The following DCUN1D5 variants were observed in gnomAD, a reference collection of about 807,000 sequenced individuals.
DCUN1D5 encodes defective in cullin neddylation 1 domain containing 5, also known as DCN1-like protein 5.
Under a neutral mutation model 38.3 loss-of-function variants are expected in DCUN1D5, and 10 were observed. The observed-to-expected ratio is 0.26, with a 90% CI of 0.16 to 0.44. The LOEUF is 0.44. DCUN1D5 is among the 20% of genes least tolerant of loss of function. The pLI, the probability that DCUN1D5 is intolerant of heterozygous loss-of-function variation, is 1.00. For missense variants in DCUN1D5, 148 were observed against 275.3 expected (o/e 0.54, Z 3.27); for synonymous variants, 93 against 90.9 (o/e 1.02, Z -0.13).
rs756300290 is a variant in DCUN1D5 at position 103,055,192 on chromosome 11, G to T, written c.*7167C>A. ...ATTTTGACTGTGACCCATCATATGA[G>T]GTCAGGTGTGGAATTTTCCACTTGT... On this transcript the variant is annotated 3_prime_UTR_variant, in exon 8 of 8. Coordinates refer to ENST00000260247, the MANE Select transcript of DCUN1D5 (RefSeq NM_032299.4). 2 of 152,036 alleles carry T rather than the reference G, an allele frequency of 1.3e-5. No individual in the cohort carries two copies. The highest frequency in any genetic ancestry group is 2.9e-5 in the Non-Finnish European group (2 of 68,004). 9.4% of individuals were successfully genotyped at this position (152,036 alleles called of 1,614,324 possible).
In DCUN1D5 at chr11:103,053,985, C is replaced by A. The variant is rs867002765; in HGVS notation, c.*8374G>T. On this transcript the variant is annotated 3_prime_UTR_variant, in exon 8 of 8. Coordinates refer to ENST00000260247, the MANE Select transcript of DCUN1D5 (RefSeq NM_032299.4). This position sits in a 1 kb window ranked among gnomAD's most constrained non-coding sequence, Gnocchi z 4.8. The stretch of plus-strand genomic sequence containing the variant: ...ACAGACAAGGAAATGAAAGAACTAG[C>A]ACACAGAAATAGGTACCCTAAAAGG... 2.0e-4 allele frequency: 30 copies of A among 152,102 alleles called. No individual in the cohort carries two copies. Among genetic ancestry groups the A allele is most frequent in the African/African-American group, 6.3e-4 (26 of 41,428 alleles). The allele number at this position is 152,102 out of a possible 1,614,324, so 9.4% of individuals were successfully genotyped here.
intron 4 of DCUN1D5, among the ~76,000 whole-genome samples, chr11:103,080,868 C>T (rs1591222433): frequency 6.6e-6 from 1 of 151,932 alleles, no homozygotes; most frequent in Admixed American, 6.6e-5. Context: ...CAAAATTAGC[C>T]GGGCGTGGAG....
In DCUN1D5 at chr11:103,086,105, T is replaced by C. The variant is rs1454882003; in HGVS notation, c.179-2779A>G. On this transcript the variant is annotated intron_variant, in intron 2 of 7. Coordinates refer to ENST00000260247, the MANE Select transcript of DCUN1D5 (RefSeq NM_032299.4). The surrounding 1 kb of genome is among the most constrained non-coding windows in gnomAD (Gnocchi z 4.1). ...AAAACACCATCAATTTCCTGATTTC[T>C]TTATAACCATAAAGGAATGTTCCTA... is the stretch of plus-strand genomic sequence containing the variant. Among the ~76,000 whole-genome samples the C allele has an allele frequency of 1.3e-5, 2 of 152,198 alleles. No homozygotes were observed. Among genetic ancestry groups the C allele is most frequent in the African/African-American group, 4.8e-5 (2 of 41,444 alleles).
Position 103,073,418 on chromosome 11 carries a change from TG to T in DCUN1D5, c.342-6852del, listed in dbSNP as rs1565288457. Among the ~76,000 whole-genome samples the T allele has an allele frequency of 6.6e-6, 1 of 152,338 alleles. No homozygotes were observed. The highest frequency in any genetic ancestry group is 1.5e-5 in the Non-Finnish European group (1 of 68,022). The stretch of plus-strand genomic sequence containing the variant: ...AACCAAAATCTCAGCAAGATATTTT[TG>T]TAAAGAAAAGACTATTCTAAAATTT... On this transcript the variant is annotated intron_variant, in intron 4 of 7. Coordinates refer to ENST00000260247, the MANE Select transcript of DCUN1D5 (RefSeq NM_032299.4). This position sits in a 1 kb window ranked among gnomAD's most constrained non-coding sequence, Gnocchi z 4.2.
chr11:103,083,327 C>A lies in DCUN1D5; in HGVS notation c.179-1G>T. On this transcript the variant is annotated splice_acceptor_variant, in intron 2 of 7. Coordinates refer to ENST00000260247, the MANE Select transcript of DCUN1D5 (RefSeq NM_032299.4). LOFTEE classifies it high-confidence loss of function. The surrounding 1 kb of genome is among the most constrained non-coding windows in gnomAD (Gnocchi z 4.4). Reference sequence around the variant, plus strand: ...TCTGGCCCTACAACTTCATCAGGACCTTCAAAGACAAAAATAATTAACATA... The same window carrying A: ...TCTGGCCCTACAACTTCATCAGGACATTCAAAGACAAAAATAATTAACATA... The A allele has an allele frequency of 6.4e-7, 1 of 1,568,016 alleles. No homozygotes were observed. The highest frequency in any genetic ancestry group is 8.8e-7 in the Non-Finnish European group (1 of 1,139,524).
rs755379066 is a variant in DCUN1D5 at position 103,063,024 on chromosome 11, G to A, written c.659-610C>T. ...GTTTAAATGTAGGAAAAAAATCACC[G>A]CCACAAAGAAATATGCTTGCTTTAT... On this transcript the variant is annotated intron_variant, in intron 7 of 7. Transcript: ENST00000260247. This position sits in a 1 kb window ranked among gnomAD's most constrained non-coding sequence, Gnocchi z 4.6. Among the ~76,000 whole-genome samples, 4 of 152,040 alleles carry A rather than the reference G, an allele frequency of 2.6e-5. No homozygotes were observed. Among genetic ancestry groups the A allele is most frequent in the African/African-American group, 7.2e-5 (3 of 41,414 alleles).
chr11:103,084,818 C>T (rs1191353624), intron 2 of DCUN1D5, among the ~76,000 whole-genome samples: 1 of 151,232 alleles, frequency 6.6e-6, no homozygotes, highest in Non-Finnish European at 1.5e-5. Context: ...AGGGAGACCC[C>T]ATCTCTAGGG....
rs1158394124 is a variant in DCUN1D5, at chr11:103,092,065, G to A, written c.-193C>T. The A allele has an allele frequency of 3.4e-6, 2 of 586,570 alleles. No homozygotes were observed. The highest frequency in any genetic ancestry group is 6.0e-6 in the Non-Finnish European group (2 of 331,650). 36.3% of individuals were successfully genotyped at this position (586,570 alleles called of 1,614,324 possible). On this transcript the variant is annotated 5_prime_UTR_variant, in exon 1 of 8. Transcript: ENST00000260247. ...TATCCTCGTCGTCTTTCTCTGACCG[G>A]GACAGGGCTGGCTCCTCGCCGGTGG... is the stretch of plus-strand genomic sequence containing the variant.
chr11:103,075,473 C>T (rs747458916), intron 4 of DCUN1D5, among the ~76,000 whole-genome samples: 3 of 152,160 alleles, frequency 2.0e-5, no homozygotes, highest in African/African-American at 4.8e-5. Context: ...CCTACGCCTC[C>T]GGGGTTCAAG....
Position 103,091,905 on chromosome 11 carries a change from G to T in DCUN1D5, c.-33C>A. On this transcript the variant is annotated 5_prime_UTR_variant, in exon 1 of 8. Coordinates refer to ENST00000260247, the MANE Select transcript of DCUN1D5 (RefSeq NM_032299.4). The surrounding 1 kb of genome is among the most constrained non-coding windows in gnomAD (Gnocchi z 4.3). ...CCTCCCCGGCAGGGTGGGCAGGGGA[G>T]CCGGGGAAGGGGGTCCCTGTCCGCT... The T allele has an allele frequency of 6.3e-7, 1 of 1,594,306 alleles. No individual in the cohort carries two copies. The highest frequency in any genetic ancestry group is 8.6e-7 in the Non-Finnish European group (1 of 1,168,086).
rs898674831 is a variant in DCUN1D5, at chr11:103,056,740, A to T, written c.*5619T>A. 8.5e-5 allele frequency among the ~76,000 whole-genome samples: 13 copies of T among 152,224 alleles called. No individual in the cohort carries two copies. The highest frequency in any genetic ancestry group is 1.9e-4 in the Non-Finnish European group (13 of 68,034). ...GATTTAGTCTAAGGAGAATATTAAT[A>T]ATTTTGTTTGATTATAAAAATGGCA... On this transcript the variant is annotated 3_prime_UTR_variant, in exon 8 of 8. Transcript: ENST00000260247. This position sits in a 1 kb window ranked among gnomAD's most constrained non-coding sequence, Gnocchi z 4.9.
Position 103,058,452 on chromosome 11 carries a change from A to G in DCUN1D5, c.*3907T>C, listed in dbSNP as rs776137203. ...TGTTCCAGTGAAGTACAAGTTCACT[A>G]GAAAAATCTCTACAATTAAATTAAT... is the stretch of plus-strand genomic sequence containing the variant. On this transcript the variant is annotated 3_prime_UTR_variant, in exon 8 of 8. Coordinates refer to ENST00000260247, the MANE Select transcript of DCUN1D5 (RefSeq NM_032299.4). 2.0e-4 allele frequency among the ~76,000 whole-genome samples: 31 copies of G among 152,222 alleles called. No individual in the cohort carries two copies. Among genetic ancestry groups the G allele is most frequent in the Non-Finnish European group, 4.4e-5 (3 of 68,026 alleles).
intron 2 of DCUN1D5, among the ~76,000 whole-genome samples, chr11:103,088,109 T>C (rs541642240): frequency 6.6e-6 from 1 of 152,312 alleles, no homozygotes; most frequent in South Asian, 2.1e-4. Flanking sequence ...ATCACTCAGC[T>C]GATTCCAACA....
rs535452295 is a variant in DCUN1D5, at chr11:103,054,611, TATA to T, written c.*7745_*7747del. 3.3e-5 allele frequency: 5 copies of T among 152,236 alleles called. No homozygotes were observed. The highest frequency in any genetic ancestry group is 1.9e-4 in the East Asian group (1 of 5,182). 9.4% of individuals were successfully genotyped at this position (152,236 alleles called of 1,614,324 possible). ...TTATTCATCTTTGTAGCCACGCTCATATAATAATACCCAGCACATAGTTAATTA... is the reference window on the plus strand; with the variant it reads ...TTATTCATCTTTGTAGCCACGCTCATATAATACCCAGCACATAGTTAATTA... On this transcript the variant is annotated 3_prime_UTR_variant, in exon 8 of 8. Transcript: ENST00000260247.
chr11:103,090,681 G>A (rs1176593788), intron 1 of DCUN1D5, among the ~76,000 whole-genome samples: 1 of 152,212 alleles, frequency 6.6e-6, no homozygotes, highest in Non-Finnish European at 1.5e-5. Flanking sequence ...GGGAGGCCGA[G>A]GCGGGCGGAT....
rs377589968 is a variant in DCUN1D5 at position 103,091,502 on chromosome 11, G to T, written c.86+285C>A. Reference sequence around the variant, plus strand: ...TGTGGGGTGGGGGTGGGGGTGGGGGGAAGCGCAATTTACATATGCATCTGT... The same window carrying T: ...TGTGGGGTGGGGGTGGGGGTGGGGGTAAGCGCAATTTACATATGCATCTGT... On this transcript the variant is annotated intron_variant, in intron 1 of 7. Coordinates refer to ENST00000260247, the MANE Select transcript of DCUN1D5 (RefSeq NM_032299.4). This position sits in a 1 kb window ranked among gnomAD's most constrained non-coding sequence, Gnocchi z 4.3. 3.0e-5 allele frequency: 12 copies of T among 403,618 alleles called. No individual in the cohort carries two copies. Among genetic ancestry groups the T allele is most frequent in the African/African-American group, 2.5e-4 (12 of 47,088 alleles). 25.0% of individuals were successfully genotyped at this position (403,618 alleles called of 1,614,324 possible).
rs771530104 is a variant in DCUN1D5, at chr11:103,071,092, C to T, written c.342-4525G>A. ...AGAAGGAAATTTATAGTGCTAAATACACACATTAGAAAAAAGAAAAAGCCT... is the reference window on the plus strand; with the variant it reads ...AGAAGGAAATTTATAGTGCTAAATATACACATTAGAAAAAAGAAAAAGCCT... On this transcript the variant is annotated intron_variant, in intron 4 of 7. Transcript: ENST00000260247. This position sits in a 1 kb window ranked among gnomAD's most constrained non-coding sequence, Gnocchi z 4.1. 1.6e-4 allele frequency among the ~76,000 whole-genome samples: 25 copies of T among 152,102 alleles called. No homozygotes were observed. The highest frequency in any genetic ancestry group is 3.4e-3 in the Middle Eastern group (1 of 294).
At position 103,083,869 on chromosome 11, in the gene DCUN1D5, A is replaced by G. The variant is rs1044346257; in HGVS notation, c.179-543T>C. Among the ~76,000 whole-genome samples the G allele has an allele frequency of 6.6e-6, 1 of 152,176 alleles. No homozygotes were observed. Among genetic ancestry groups the G allele is most frequent in the Non-Finnish European group, 1.5e-5 (1 of 67,992 alleles). On this transcript the variant is annotated intron_variant, in intron 2 of 7. Coordinates refer to ENST00000260247, the MANE Select transcript of DCUN1D5 (RefSeq NM_032299.4). This position sits in a 1 kb window ranked among gnomAD's most constrained non-coding sequence, Gnocchi z 4.4. ...ATTTTGAAAATAATGACTTATGGAA[A>G]TTACTACATTCCATTTCCAGAAAGA...
At chr11:103,089,588 GACT>G (rs2134640072) in intron 1 of DCUN1D5, among the ~76,000 whole-genome samples, 1 of 152,100 alleles carries the variant, frequency 6.6e-6, no homozygotes. Flanking sequence ...CATTTTAAAA[GACT>G]ACAAAGAAGT....
Sources: allele counts gnomAD v4.1 joint callset (sites outside exome capture counted in the v4.1 genomes callset), GRCh38; gene constraint gnomAD v4.1.1; non-coding constraint Gnocchi (gnomAD v3.1); transcripts MANE v1.5; gene names NCBI Gene and HGNC (gene_info 2026-07-23, HGNC 2026-07-21).